Variants in BTG4 observed in about 807,000 individuals in gnomAD.
BTG4 encodes the protein protein BTG4.
A neutral mutation model predicts 19.3 loss-of-function variants in BTG4; 10 were observed. The ratio of observed to expected loss-of-function variants is 0.52; its 90% CI spans 0.32 to 0.88. The LOEUF (loss-of-function observed/expected upper bound fraction) is 0.88, where lower values mean the gene tolerates loss of function less well. Among genes scored for constraint, BTG4 ranks in the 40% least tolerant of loss-of-function variants. The probability of loss-of-function intolerance (pLI) is 0.04; values close to 1 mark genes in which losing one functional copy is unlikely to be tolerated. For missense variants in BTG4, 238 were observed against 281.9 expected, an observed-to-expected ratio of 0.84 and a Z score of 1.11; for synonymous variants, 91 against 95.7, an observed-to-expected ratio of 0.95 and a Z score of 0.29.
chr11:111,398,992 GA>G, the BTG4 span: 1 of 152,190 alleles, frequency 6.6e-6, no homozygotes, highest in Non-Finnish European at 1.5e-5. Context: ...GCTTTCCTGA[GA>G]GAGCTTAATG....
the BTG4 span, among the ~76,000 whole-genome samples, chr11:111,404,157 G>C: frequency 6.6e-6 from 1 of 152,218 alleles, no homozygotes; most frequent in South Asian, 2.1e-4. Flanking sequence ...CCCTACACAA[G>C]TTCTCTTTTC....
chr11:111,495,214 C>A lies in BTG4; in HGVS notation c.611G>T (p.Gly204Val). 2 of 1,612,380 alleles carry A rather than the reference C, an allele frequency of 1.2e-6. No homozygotes were observed. Among genetic ancestry groups the A allele is most frequent in the Non-Finnish European group, 1.7e-6 (2 of 1,179,318 alleles). The change falls in exon 5 of 5, where the codon GGC (glycine) becomes GTC (valine). Residue 204 changes from glycine (G) to valine (V), a missense_variant. Physicochemically the swap from Gly to Val is moderately radical, Grantham distance 109. Coordinates refer to ENST00000692032, the MANE Select transcript of BTG4 (RefSeq NM_001367975.1). ...RVGLLGNTYH[G>V]SQKHPKCYRP... The stretch of plus-strand genomic sequence containing the variant: ...GTAACACTTAGGATGCTTCTGCGAG[C>A]CATGGTAAGTGTTTCCCAGGAGGCC...
the BTG4 span, chr11:111,462,126 A>C: frequency 6.6e-6 from 1 of 152,604 alleles, no homozygotes; most frequent in African/African-American, 2.4e-5. Context: ...TTCTCCCTCA[A>C]CCATGGGAAT....
At chr11:111,415,725 G>A in the BTG4 span, among the ~76,000 whole-genome samples, 1 of 152,150 alleles carries the variant, frequency 6.6e-6, no homozygotes, top group East Asian at 1.9e-4. Context: ...AAAATTAGAG[G>A]AGCCAGAGAC....
chr11:111,491,663 G>T (rs1387630849), downstream of BTG4, among the ~76,000 whole-genome samples: 1 of 147,942 alleles, frequency 6.8e-6, no homozygotes, highest in Non-Finnish European at 1.5e-5. Context: ...TCAAGCCAGG[G>T]AGTCAAGGCT....
chr11:111,400,497 A>G, the BTG4 span, among the ~76,000 whole-genome samples: 1 of 152,226 alleles, frequency 6.6e-6, no homozygotes, highest in African/African-American at 2.4e-5. Context: ...AACATATTAA[A>G]TGTCTGAACT....
At chr11:111,396,189 G>A in the BTG4 span, among the ~76,000 whole-genome samples, 1 of 152,162 alleles carries the variant, frequency 6.6e-6, no homozygotes, top group Non-Finnish European at 1.5e-5. Context: ...CCATGCTAAG[G>A]GGCAAATAGT....
downstream of BTG4, chr11:111,466,703 G>A (rs1480672897): frequency 6.6e-6 from 1 of 152,632 alleles, no homozygotes; most frequent in Admixed American, 6.5e-5. Context: ...AGAAAAGTTA[G>A]TGAAATTATT....
At chr11:111,489,958 A>G (rs1474848211), downstream of BTG4, among the ~76,000 whole-genome samples, 1 of 152,050 alleles carries the variant, frequency 6.6e-6, no homozygotes, top group Non-Finnish European at 1.5e-5. Flanking sequence ...CATAGTCGAT[A>G]AGTTACTGTA....
intron 5 of BTG4, chr11:111,469,447 A>G (rs1031235954): frequency 1.3e-5 from 2 of 152,138 alleles, no homozygotes; most frequent in East Asian, 3.9e-4. Flanking sequence ...TTTCAAATCT[A>G]CTTGAGTCCC....
At chr11:111,428,216 T>C in the BTG4 span, among the ~76,000 whole-genome samples, 1 of 152,158 alleles carries the variant, frequency 6.6e-6, no homozygotes, top group African/African-American at 2.4e-5. Context: ...ACTGGTCTTC[T>C]AGACTGTGAG....
At chr11:111,417,118 C>T in the BTG4 span, 1 of 152,214 alleles carries the variant, frequency 6.6e-6, no homozygotes, top group Admixed American at 6.5e-5. Flanking sequence ...AGTCTGATGA[C>T]TCCAATACAC....
the BTG4 span, among the ~76,000 whole-genome samples, chr11:111,451,824 C>T: frequency 3.3e-5 from 5 of 152,168 alleles, no homozygotes; most frequent in East Asian, 3.8e-4. Context: ...GAAGGAGATG[C>T]CCTGATGTCC....
At chr11:111,441,383 G>A in the BTG4 span, among the ~76,000 whole-genome samples, 2 of 152,112 alleles carry the variant, frequency 1.3e-5, no homozygotes, top group African/African-American at 2.4e-5. Flanking sequence ...CGGCTCCTCC[G>A]AGAGAGAGAT....
At chr11:111,484,844 A>G (rs1864959716) in intron 5 of BTG4, among the ~76,000 whole-genome samples, 1 of 152,174 alleles carries the variant, frequency 6.6e-6, no homozygotes, top group Non-Finnish European at 1.5e-5. Context: ...CAGTGGCTGA[A>G]TGGAGTTTTT....
chr11:111,433,132 T>C, the BTG4 span, among the ~76,000 whole-genome samples: 4 of 152,214 alleles, frequency 2.6e-5, no homozygotes, highest in African/African-American at 9.7e-5. Context: ...CAGCATCTAT[T>C]GTTTGCAATG....
the BTG4 span, among the ~76,000 whole-genome samples, chr11:111,404,285 G>A: frequency 6.6e-6 from 1 of 152,126 alleles, no homozygotes; most frequent in Admixed American, 6.5e-5. Flanking sequence ...CCAGCCTCGG[G>A]TATGTCTTTA....
downstream of BTG4, among the ~76,000 whole-genome samples, chr11:111,490,416 A>G (rs1248757577): frequency 6.6e-6 from 1 of 152,220 alleles, no homozygotes; most frequent in Non-Finnish European, 1.5e-5. Flanking sequence ...CATCACATGT[A>G]CTCCACATAT....
At chr11:111,493,174 G>A (rs1189953382), downstream of BTG4, among the ~76,000 whole-genome samples, 1 of 152,010 alleles carries the variant, frequency 6.6e-6, no homozygotes, top group Non-Finnish European at 1.5e-5. Flanking sequence ...AACAAACAGA[G>A]TCCAAAAGAG....
Sources: gnomAD v4.1 joint callset for allele counts (sites outside exome capture counted in the v4.1 genomes callset) on GRCh38, gnomAD v4.1.1 for gene constraint, MANE v1.5 for transcripts, NCBI Gene and HGNC (gene_info 2026-07-23, HGNC 2026-07-21) for gene names.